CAMK1D: variants seen among roughly 807,000 people sequenced by gnomAD.
CAMK1D encodes the protein calcium/calmodulin-dependent protein kinase type 1D.
A neutral mutation model predicts 47.7 loss-of-function variants in CAMK1D; 9 were observed. The ratio of observed to expected loss-of-function variants is 0.19; its 90% CI spans 0.11 to 0.33. The LOEUF (loss-of-function observed/expected upper bound fraction) is 0.33, where lower values mean the gene tolerates loss of function less well. Among genes scored for constraint, CAMK1D ranks in the 10% least tolerant of loss-of-function variants. The pLI is 1.00. For missense variants in CAMK1D, 291 were observed against 488.7 expected (o/e 0.60, Z 3.81); for synonymous variants, 184 against 184.9 (o/e 0.99, Z 0.04).
chr10:12,756,955 T>G (rs4453115), intron 3 of CAMK1D, among the ~76,000 whole-genome samples: 20,609 of 152,040 alleles, frequency 0.14, 1,490 homozygotes, highest in Admixed American at 0.17. Flanking sequence ...CAAACCCAAG[T>G]TCAGTGCAGA....
intron 1 of CAMK1D, among the ~76,000 whole-genome samples, chr10:12,499,687 G>A (rs111450503): frequency 2.0e-5 from 3 of 152,310 alleles, no homozygotes; most frequent in African/African-American, 7.2e-5. Context: ...GAGCAGACCA[G>A]GCAGTGAAGA....
intron 1 of CAMK1D, among the ~76,000 whole-genome samples, chr10:12,429,094 C>T (rs1180994952): frequency 6.6e-6 from 1 of 152,152 alleles, no homozygotes; most frequent in Non-Finnish European, 1.5e-5. Context: ...CTCTGCCCAC[C>T]CACTGCCATC....
chr10:12,606,037 A>T (rs545326577), intron 2 of CAMK1D, among the ~76,000 whole-genome samples: 92 of 152,372 alleles, frequency 6.0e-4, no homozygotes, highest in African/African-American at 1.7e-3. Context: ...GCACATCGTC[A>T]GATCGAGGTC....
At chr10:12,443,776 C>T (rs1347162456) in intron 1 of CAMK1D, among the ~76,000 whole-genome samples, 2 of 152,116 alleles carry the variant, frequency 1.3e-5, no homozygotes, top group Non-Finnish European at 2.9e-5. Flanking sequence ...ATTATAGGCA[C>T]CTACCACCAT....
chr10:12,679,060 C>T (rs1840905754), intron 3 of CAMK1D, among the ~76,000 whole-genome samples: 1 of 152,146 alleles, frequency 6.6e-6, no homozygotes, highest in South Asian at 2.1e-4. Flanking sequence ...CGCACCCGGT[C>T]CAATAATTTT....
At chr10:12,598,311 C>CCACTTCAG (rs1249019770) in intron 2 of CAMK1D, among the ~76,000 whole-genome samples, 5 of 152,182 alleles carry the variant, frequency 3.3e-5, no homozygotes, top group African/African-American at 1.2e-4. Context: ...GTGTGGGTTC[C>CCACTTCAG]CACTTCAGCC....
chr10:12,532,380 C>T (rs940168322), intron 1 of CAMK1D, among the ~76,000 whole-genome samples: 1 of 151,024 alleles, frequency 6.6e-6, no homozygotes, highest in Non-Finnish European at 1.5e-5. Context: ...CCTGGGTTCA[C>T]GCCATTCTCC....
chr10:12,506,256 C>T (rs1352697854), intron 1 of CAMK1D, among the ~76,000 whole-genome samples: 1 of 152,056 alleles, frequency 6.6e-6, no homozygotes, highest in Non-Finnish European at 1.5e-5. Context: ...CCCGTCTCTA[C>T]TAAAAACACA....
chr10:12,493,917 A>G (rs115451017), intron 1 of CAMK1D, among the ~76,000 whole-genome samples: 148 of 152,334 alleles, frequency 9.7e-4, no homozygotes, highest in African/African-American at 3.3e-3. Flanking sequence ...GAGATTTAGA[A>G]GGACAAATGG....
chr10:12,582,096 C>T (rs11257905), intron 2 of CAMK1D, among the ~76,000 whole-genome samples: 4,742 of 152,150 alleles, frequency 0.031, 247 homozygotes, highest in African/African-American at 0.11. Flanking sequence ...TAGTTTCATT[C>T]TTCTACATGT....
At position 12,828,660 on chromosome 10, in the gene CAMK1D, G is replaced by GC. The variant is rs55978975; in HGVS notation, c.1040-102dup. ...CATCTCAAGAAAAAAAAAAAATTGG[G>GC]CCCCCCCGCCCCCCACCATAAACCC... is the stretch of plus-strand genomic sequence containing the variant. On this transcript the variant is annotated intron_variant, in intron 10 of 10. Coordinates refer to ENST00000619168, the MANE Select transcript of CAMK1D (RefSeq NM_153498.4). 3,144 of 631,008 alleles carry GC rather than the reference G, an allele frequency of 5.0e-3. 110 individuals carry two copies. The highest frequency in any genetic ancestry group is 0.047 in the African/African-American group (2,506 of 53,768). 39.1% of individuals were successfully genotyped at this position (631,008 alleles called of 1,614,324 possible).
At chr10:12,589,462 CG>C (rs1344736439) in intron 2 of CAMK1D, among the ~76,000 whole-genome samples, 3 of 152,312 alleles carry the variant, frequency 2.0e-5, no homozygotes, top group Non-Finnish European at 1.5e-5. Context: ...CTTCACTGAC[CG>C]TGCTTGCTTT....
chr10:12,546,885 C>T (rs796388756), intron 1 of CAMK1D, among the ~76,000 whole-genome samples: 3 of 152,028 alleles, frequency 2.0e-5, no homozygotes, highest in African/African-American at 7.2e-5. Flanking sequence ...GTGCAGCACA[C>T]CAACATGGCA....
chr10:12,776,593 G>T (rs1185951063), intron 5 of CAMK1D, among the ~76,000 whole-genome samples: 2 of 152,136 alleles, frequency 1.3e-5, no homozygotes, highest in Middle Eastern at 3.2e-3. Context: ...GACCTTTTCA[G>T]AATGTGTGTT....
chr10:12,636,275 T>C (rs1391807747), intron 2 of CAMK1D, among the ~76,000 whole-genome samples: 1 of 152,212 alleles, frequency 6.6e-6, no homozygotes, highest in Non-Finnish European at 1.5e-5. Context: ...ATTTTACACA[T>C]AATCTGATTG....
intron 2 of CAMK1D, among the ~76,000 whole-genome samples, chr10:12,665,171 A>G (rs770649696): frequency 7.9e-5 from 12 of 152,214 alleles, no homozygotes; most frequent in Non-Finnish European, 1.8e-4. Context: ...ATTCTTTGGA[A>G]TCAGGTGGAA....
intron 2 of CAMK1D, among the ~76,000 whole-genome samples, chr10:12,615,133 C>T (rs969971682): frequency 3.3e-5 from 5 of 152,174 alleles, no homozygotes; most frequent in Admixed American, 6.5e-5. Context: ...CAGGGAGTCT[C>T]TGGGACCGGA....
At chr10:12,427,700 G>GTTTTTTTCTTTTTTTTTTTTTTTT (rs1290974363) in intron 1 of CAMK1D, among the ~76,000 whole-genome samples, 1 of 31,030 alleles carries the variant, frequency 3.2e-5, no homozygotes, top group Non-Finnish European at 6.2e-5. Flanking sequence ...TGAACTTACT[G>GTTTTTTTCTTTTTTTTTTTTTTTT]TTTTTTTTTT....
chr10:12,492,282 G>A (rs1834409111), intron 1 of CAMK1D, among the ~76,000 whole-genome samples: 1 of 149,726 alleles, frequency 6.7e-6, no homozygotes. Flanking sequence ...TGCTATTGCC[G>A]CCATGGACAG....
Sources: gnomAD v4.1 joint callset for allele counts (sites outside exome capture counted in the v4.1 genomes callset) on GRCh38, gnomAD v4.1.1 for gene constraint, MANE v1.5 for transcripts, NCBI Gene and HGNC (gene_info 2026-07-23, HGNC 2026-07-21) for gene names.